The following LMO7 variants were observed in gnomAD, a reference collection of about 807,000 sequenced individuals.
The protein encoded by LMO7 is LIM domain 7, also known as LIM domain only protein 7.
In LMO7, 120 loss-of-function variants were observed where a neutral mutation model predicts 206.5. The observed-to-expected ratio is 0.58, with a 90% CI of 0.50 to 0.68. The LOEUF (loss-of-function observed/expected upper bound fraction) is 0.68, where lower values mean the gene tolerates loss of function less well. Ranked by LOEUF, LMO7 falls within the 30% of genes least tolerant of loss-of-function variation. The probability of loss-of-function intolerance (pLI) is 0.00; values close to 1 mark genes in which losing one functional copy is unlikely to be tolerated. For synonymous variants in LMO7, 706 were observed against 681.5 expected (o/e 1.04, Z -0.56); for missense variants, 1,959 against 1,957.9 (o/e 1.00, Z -0.01).
At chr13:75,812,814 T>C (rs1319867562) in intron 11 of LMO7, among the ~76,000 whole-genome samples, 1 of 152,238 alleles carries the variant, frequency 6.6e-6, no homozygotes, top group African/African-American at 2.4e-5. Flanking sequence ...AATTGGAGCC[T>C]TTCCAAATAA....
intron 1 of LMO7, among the ~76,000 whole-genome samples, chr13:75,699,475 AT>A (rs2042131714): frequency 7.0e-6 from 1 of 143,214 alleles, no homozygotes; most frequent in Non-Finnish European, 1.5e-5. Flanking sequence ...GTTATTTTCT[AT>A]TTTCCCTAAG....
At chr13:75,685,290 A>C (rs1350904702) in intron 1 of LMO7, among the ~76,000 whole-genome samples, 1 of 152,146 alleles carries the variant, frequency 6.6e-6, no homozygotes, top group Admixed American at 6.5e-5. Context: ...AGTTTCTGTG[A>C]ACTGTGCTGG....
At chr13:75,639,422 A>C (rs192346773) in intron 1 of LMO7, among the ~76,000 whole-genome samples, 12 of 152,316 alleles carry the variant, frequency 7.9e-5, no homozygotes, top group African/African-American at 2.9e-4. Context: ...GGATTATTAC[A>C]TAGTTGGAAA....
intron 3 of LMO7, among the ~76,000 whole-genome samples, chr13:75,758,222 T>G (rs1016377856): frequency 3.9e-5 from 6 of 152,334 alleles, no homozygotes; most frequent in Middle Eastern, 3.4e-3. Context: ...AAGTGAAAAT[T>G]ATTTCATTAA....
intron 3 of LMO7, among the ~76,000 whole-genome samples, chr13:75,740,942 CTTTTA>C (rs993724015): frequency 3.7e-4 from 56 of 152,278 alleles, no homozygotes; most frequent in African/African-American, 1.3e-3. Flanking sequence ...TGGTCTTTAA[CTTTTA>C]TTTATTTTTC....
intron 1 of LMO7, among the ~76,000 whole-genome samples, chr13:75,700,448 G>A (rs951032899): frequency 1.4e-4 from 22 of 152,316 alleles, no homozygotes; most frequent in East Asian, 9.6e-4. Context: ...TTCTTCTGCC[G>A]TGGCTTCAGC....
intron 18 of LMO7, among the ~76,000 whole-genome samples, chr13:75,836,058 A>C (rs2059092556): frequency 6.6e-6 from 1 of 152,128 alleles, no homozygotes; most frequent in South Asian, 2.1e-4. Flanking sequence ...TGTATAAGAA[A>C]TGTTTAAGTG....
chr13:75,672,343 G>T (rs2039659530), intron 1 of LMO7, among the ~76,000 whole-genome samples: 1 of 151,176 alleles, frequency 6.6e-6, no homozygotes, highest in Middle Eastern at 3.4e-3. Flanking sequence ...CCGGGTTCAA[G>T]CAATTCTTCT....
intron 3 of LMO7, among the ~76,000 whole-genome samples, chr13:75,729,086 C>T (rs2138678451): frequency 6.6e-6 from 1 of 151,846 alleles, no homozygotes; most frequent in South Asian, 2.1e-4. Flanking sequence ...GTTCTTTTGG[C>T]TTAGGATTGA....
chr13:75,628,385 C>A (rs753617082), intron 2 of LMO7: 1 of 152,186 alleles, frequency 6.6e-6, no homozygotes, highest in Non-Finnish European at 1.5e-5. Context: ...ATTTTGGCTT[C>A]CTTTTCCTCT....
chr13:75,822,432 G>A (rs2057674169), intron 14 of LMO7, among the ~76,000 whole-genome samples: 2 of 151,970 alleles, frequency 1.3e-5, no homozygotes, highest in South Asian at 4.1e-4. Context: ...ACAATATATA[G>A]ACTCAGAAAA....
chr13:75,676,111 C>T (rs1424064887), intron 1 of LMO7, among the ~76,000 whole-genome samples: 2 of 152,074 alleles, frequency 1.3e-5, no homozygotes, highest in East Asian at 1.9e-4. Context: ...CTGCCTGGAG[C>T]GTAGTAGATG....
chr13:75,765,156 G>C (rs1378316464), intron 4 of LMO7, among the ~76,000 whole-genome samples: 1 of 152,082 alleles, frequency 6.6e-6, no homozygotes, highest in African/African-American at 2.4e-5. Flanking sequence ...CATTTCTTAG[G>C]AATCAGGTTC....
chr13:75,754,033 A>G (rs1373462089), intron 3 of LMO7, among the ~76,000 whole-genome samples: 2 of 152,242 alleles, frequency 1.3e-5, no homozygotes, highest in Non-Finnish European at 2.9e-5. Context: ...ATTTGAGGTG[A>G]AATTCACATA....
chr13:75,748,036 C>A (rs537486706), intron 3 of LMO7, among the ~76,000 whole-genome samples: 19 of 152,114 alleles, frequency 1.2e-4, no homozygotes, highest in Admixed American at 1.2e-3. Context: ...TGTTACTTGG[C>A]AGATTACATG....
chr13:75,649,517 C>A (rs1350017705), intron 1 of LMO7, among the ~76,000 whole-genome samples: 1 of 152,122 alleles, frequency 6.6e-6, no homozygotes, highest in Non-Finnish European at 1.5e-5. Flanking sequence ...ACAGAGTAAT[C>A]TATCACGTGT....
intron 15 of LMO7, among the ~76,000 whole-genome samples, chr13:75,830,949 C>G (rs1171867606): frequency 1.3e-5 from 2 of 151,802 alleles, no homozygotes; most frequent in African/African-American, 4.8e-5. Flanking sequence ...GTCTCTCTTC[C>G]TTATATAGCA....
chr13:75,823,139 G>A (rs965400181), intron 14 of LMO7, among the ~76,000 whole-genome samples: 1 of 151,982 alleles, frequency 6.6e-6, no homozygotes, highest in African/African-American at 2.4e-5. Flanking sequence ...GATCTTACAT[G>A]GTAAAACATG....
At chr13:75,774,301 AC>A (rs1017441729) in intron 4 of LMO7, among the ~76,000 whole-genome samples, 3 of 152,124 alleles carry the variant, frequency 2.0e-5, no homozygotes, top group African/African-American at 7.2e-5. Flanking sequence ...AGAGGAGCAT[AC>A]AGTATGTAGT....
Sources: gnomAD v4.1 joint callset for allele counts (sites outside exome capture counted in the v4.1 genomes callset) on GRCh38, gnomAD v4.1.1 for gene constraint, MANE v1.5 for transcripts, NCBI Gene and HGNC (gene_info 2026-07-23, HGNC 2026-07-21) for gene names.